GRIK4: variants seen among roughly 807,000 people sequenced by gnomAD.
GRIK4 encodes the protein glutamate ionotropic receptor kainate type subunit 4.
Under a neutral mutation model 104.9 loss-of-function variants are expected in GRIK4, and 40 were observed. That is an observed-to-expected ratio of 0.38 (90% CI 0.30 to 0.50). The LOEUF is 0.50. GRIK4 is among the 20% of genes least tolerant of loss of function. The pLI is 0.93. For synonymous variants in GRIK4, 485 were observed against 524.9 expected, an observed-to-expected ratio of 0.92 and a Z score of 1.04; for missense variants, 1,047 against 1,308.1, an observed-to-expected ratio of 0.80 and a Z score of 3.08.
At chr11:120,554,169 G>C (rs545915795) in intron 1 of GRIK4, among the ~76,000 whole-genome samples, 1 of 152,234 alleles carries the variant, frequency 6.6e-6, no homozygotes, top group South Asian at 2.1e-4. Flanking sequence ...AATAGATGAA[G>C]TTTCAAAACT....
intron 1 of GRIK4, among the ~76,000 whole-genome samples, chr11:120,558,728 A>C (rs1948210961): frequency 6.6e-6 from 1 of 152,248 alleles, no homozygotes; most frequent in African/African-American, 2.4e-5. Context: ...AAGTGAGTAG[A>C]TTATATACAA....
intron 1 of GRIK4, among the ~76,000 whole-genome samples, chr11:120,615,459 G>A (rs990476661): frequency 3.3e-5 from 5 of 152,226 alleles, no homozygotes; most frequent in African/African-American, 1.2e-4. Flanking sequence ...GATGGAAGCT[G>A]CCTTTAAGTC....
intron 11 of GRIK4, among the ~76,000 whole-genome samples, chr11:120,892,330 G>C (rs1565420591): frequency 6.6e-6 from 1 of 152,194 alleles, no homozygotes; most frequent in Non-Finnish European, 1.5e-5. Context: ...AAGCCAACAT[G>C]GGAAAGAATT....
At position 120,987,254 on chromosome 11, in the gene GRIK4, T is replaced by C. The variant is rs1356717975; in HGVS notation, c.*994T>C. 6.6e-6 allele frequency: 1 copy of C among 152,220 alleles called. No homozygotes were observed. The highest frequency in any genetic ancestry group is 1.5e-5 in the Non-Finnish European group (1 of 68,052). 9.4% of individuals were successfully genotyped at this position (152,220 alleles called of 1,614,324 possible). Reference sequence around the variant, plus strand: ...ATAGAATTTTCCCATACCATGGCCTTGGCTTCCGGTGGAACGTGCCGTTCA... The same window carrying C: ...ATAGAATTTTCCCATACCATGGCCTCGGCTTCCGGTGGAACGTGCCGTTCA... On this transcript the variant is annotated 3_prime_UTR_variant, in exon 21 of 21. Transcript: ENST00000527524.
intron 3 of GRIK4, among the ~76,000 whole-genome samples, chr11:120,709,309 A>G (rs1950684821): frequency 6.6e-6 from 1 of 151,640 alleles, no homozygotes; most frequent in Non-Finnish European, 1.5e-5. Context: ...AGTTCCGCTC[A>G]CCTCCGTTGA....
At chr11:120,711,659 A>T (rs918921685) in intron 3 of GRIK4, among the ~76,000 whole-genome samples, 3 of 152,220 alleles carry the variant, frequency 2.0e-5, no homozygotes, top group Non-Finnish European at 4.4e-5. Context: ...TACCAAACAG[A>T]TTGATCCTTA....
chr11:120,711,152 G>A (rs1302868182), intron 3 of GRIK4, among the ~76,000 whole-genome samples: 2 of 152,200 alleles, frequency 1.3e-5, no homozygotes, highest in African/African-American at 4.8e-5. Context: ...TCAGGAAAGC[G>A]TGCCTTCCTC....
intron 6 of GRIK4, among the ~76,000 whole-genome samples, chr11:120,827,175 T>C (rs1314171030): frequency 6.6e-6 from 1 of 152,198 alleles, no homozygotes; most frequent in African/African-American, 2.4e-5. Context: ...TATTTTTTGA[T>C]ACAAGGGTCC....
At position 120,929,021 on chromosome 11, in the gene GRIK4, AC is replaced by A. The variant is rs546719282; in HGVS notation, c.1477-11325del. 9.7e-3 allele frequency among the ~76,000 whole-genome samples: 1,130 copies of A among 117,054 alleles called. 13 individuals are homozygous for A. Among genetic ancestry groups the A allele is most frequent in the African/African-American group, 0.029 (1,083 of 37,252 alleles). The allele number at this position is 117,054 out of a possible 152,430, so 76.8% of individuals were successfully genotyped here. On this transcript the variant is annotated intron_variant, in intron 13 of 20. Coordinates refer to ENST00000527524, the MANE Select transcript of GRIK4 (RefSeq NM_014619.5). ...TGCACGCGTGTATGTGTGTGTGCGC[AC>A]ATGTGTGTGTGTGTGTGTGTCTGTG... is the stretch of plus-strand genomic sequence containing the variant.
Position 120,819,679 on chromosome 11 carries a change from C to A in GRIK4, c.346-76C>A. 1 of 1,396,604 alleles carries A rather than the reference C, an allele frequency of 7.2e-7. No individual in the cohort carries two copies. The highest frequency in any genetic ancestry group is 1.2e-5 in the South Asian group (1 of 84,580). The allele number at this position is 1,396,604 out of a possible 1,614,324, so 86.5% of individuals were successfully genotyped here. A position where few individuals can be genotyped will look rare whatever the true frequency, so the allele number is the denominator to read the frequency against. On this transcript the variant is annotated intron_variant, in intron 5 of 20. Coordinates refer to ENST00000527524, the MANE Select transcript of GRIK4 (RefSeq NM_014619.5). This position sits in a 1 kb window ranked among gnomAD's most constrained non-coding sequence, Gnocchi z 4.3. ...TAAAAGAACTCACCCTCCACAACCTCAGCTCACTCATCCCTCTTTCTTCCT... is the reference window on the plus strand; with the variant it reads ...TAAAAGAACTCACCCTCCACAACCTAAGCTCACTCATCCCTCTTTCTTCCT...
chr11:120,772,655 G>A (rs1165189296), intron 3 of GRIK4, among the ~76,000 whole-genome samples: 4 of 151,974 alleles, frequency 2.6e-5, no homozygotes, highest in Non-Finnish European at 4.4e-5. Context: ...GCGTGTGTGT[G>A]TGTTACATGG....
chr11:120,850,220 A>T (rs543945821), intron 8 of GRIK4, among the ~76,000 whole-genome samples: 4 of 152,198 alleles, frequency 2.6e-5, no homozygotes, highest in South Asian at 2.1e-4. Context: ...GCTCATCTGG[A>T]TAATCTCCTT....
intron 1 of GRIK4, among the ~76,000 whole-genome samples, chr11:120,589,278 A>G (rs1193378902): frequency 6.6e-6 from 1 of 152,192 alleles, no homozygotes; most frequent in Non-Finnish European, 1.5e-5. Flanking sequence ...CCGCTGCACT[A>G]CATCGTTTTA....
intron 4 of GRIK4, among the ~76,000 whole-genome samples, chr11:120,810,268 A>G (rs1952803678): frequency 6.6e-6 from 1 of 152,210 alleles, no homozygotes; most frequent in South Asian, 2.1e-4. Flanking sequence ...AGCCTTTTGG[A>G]CTTTGGAATT....
intron 1 of GRIK4, among the ~76,000 whole-genome samples, chr11:120,603,994 C>A (rs1393231933): frequency 1.3e-5 from 2 of 151,880 alleles, no homozygotes; most frequent in Non-Finnish European, 2.9e-5. Flanking sequence ...CACGGTGAAA[C>A]CCCGTCTCTA....
intron 3 of GRIK4, among the ~76,000 whole-genome samples, chr11:120,768,486 G>T (rs377492975): frequency 2.0e-5 from 3 of 151,910 alleles, no homozygotes; most frequent in Non-Finnish European, 4.4e-5. Flanking sequence ...GGATCATGTC[G>T]TCTGTAAGTA....
At chr11:120,829,678 G>A (rs775084815) in intron 6 of GRIK4, among the ~76,000 whole-genome samples, 3 of 152,162 alleles carry the variant, frequency 2.0e-5, no homozygotes, top group South Asian at 2.1e-4. Flanking sequence ...CCCACTTCCC[G>A]GCAGCCTTTC....
At chr11:120,678,111 C>T (rs536123060) in intron 3 of GRIK4, among the ~76,000 whole-genome samples, 75 of 152,308 alleles carry the variant, frequency 4.9e-4, no homozygotes, top group African/African-American at 1.4e-3. Flanking sequence ...ACCCCGAGGC[C>T]TCTGGGCAGT....
chr11:120,648,293 T>G (rs1265974640), intron 1 of GRIK4, among the ~76,000 whole-genome samples: 1 of 152,222 alleles, frequency 6.6e-6, no homozygotes, highest in East Asian at 1.9e-4. Flanking sequence ...ACGGGCTCTC[T>G]TCTGTAAACT....
Sources: gnomAD v4.1 joint callset for allele counts (sites outside exome capture counted in the v4.1 genomes callset) on GRCh38, gnomAD v4.1.1 for gene constraint, Gnocchi (gnomAD v3.1) non-coding constraint, MANE v1.5 for transcripts, NCBI Gene and HGNC (gene_info 2026-07-23, HGNC 2026-07-21) for gene names.